The following EDA variants were observed in gnomAD, a reference collection of about 807,000 sequenced individuals.
EDA encodes ectodysplasin A, also known as ectodysplasin-A.
In EDA, 2 loss-of-function variants were observed where a neutral mutation model predicts 23.6. The observed-to-expected ratio is 0.08, with a 90% confidence interval of 0.03 to 0.27. The LOEUF (loss-of-function observed/expected upper bound fraction) is 0.27, where lower values mean the gene tolerates loss of function less well. Among genes scored for constraint, EDA ranks in the 10% least tolerant of loss-of-function variants. The pLI, the probability that EDA is intolerant of heterozygous loss-of-function variation, is 1.00. For missense variants in EDA, 229 were observed against 324.2 expected, an observed-to-expected ratio of 0.71 and a Z score of 2.26; for synonymous variants, 131 against 132.0, an observed-to-expected ratio of 0.99 and a Z score of 0.05.
chrX:69,674,691 C>T (rs748616205), intron 1 of EDA, among the ~76,000 whole-genome samples: 16 of 112,025 alleles, frequency 1.4e-4, no homozygotes, highest in Non-Finnish European at 3.0e-4. Flanking sequence ...TGTCCTGACT[C>T]CTTCCTAAGT....
At chrX:69,634,288 C>A (rs1420356630) in intron 1 of EDA, among the ~76,000 whole-genome samples, 1 of 111,293 alleles carries the variant, frequency 9.0e-6, no homozygotes, top group Non-Finnish European at 1.9e-5. Context: ...CAAATATTTT[C>A]TCCCATTCTA....
intron 1 of EDA, among the ~76,000 whole-genome samples, chrX:69,895,683 T>C (rs2018004035): frequency 8.9e-6 from 1 of 111,932 alleles, no homozygotes; most frequent in African/African-American, 3.2e-5. Context: ...TTAAACCTTC[T>C]TGACATTTGA....
chrX:70,019,599 T>G (rs2020002564), intron 2 of EDA, among the ~76,000 whole-genome samples: 1 of 112,141 alleles, frequency 8.9e-6, no homozygotes, highest in African/African-American at 3.2e-5. Flanking sequence ...TGCAGCAACA[T>G]GGATGGACCT....
intron 1 of EDA, among the ~76,000 whole-genome samples, chrX:69,906,254 G>A (rs1228863410): frequency 9.0e-6 from 1 of 111,580 alleles, no homozygotes; most frequent in African/African-American, 3.3e-5. Context: ...AATTTCTTAC[G>A]ATGTACTGTA....
rs530164329 is a variant in EDA at position 69,768,072 on chromosome X, C to T, written c.396+151368C>T. ...ATCTTATTATTGAGTTGTAAGAGTT[C>T]CTTATATATTCTAGGTGCAAGTCCT... On this transcript the variant is annotated intron_variant, in intron 1 of 7. Coordinates refer to ENST00000374552, the MANE Select transcript of EDA (RefSeq NM_001399.5). 1.8e-4 allele frequency among the ~76,000 whole-genome samples: 20 copies of T among 111,301 alleles called. No homozygotes were observed. In the South Asian group the frequency reaches 2.3e-3, roughly 13 times the overall value.
chrX:69,966,222 G>A (rs2019170319), intron 2 of EDA, among the ~76,000 whole-genome samples: 1 of 111,188 alleles, frequency 9.0e-6, no homozygotes, highest in South Asian at 3.8e-4. Context: ...TAATCTCTCT[G>A]GTAAAGTTAA....
At chrX:70,002,796 C>A (rs1225810248) in intron 2 of EDA, among the ~76,000 whole-genome samples, 1 of 112,135 alleles carries the variant, frequency 8.9e-6, no homozygotes, top group African/African-American at 3.2e-5. Flanking sequence ...CTCAGCTCCC[C>A]TCTTTGTGTT....
At chrX:69,685,550 C>T (rs1354907573) in intron 1 of EDA, among the ~76,000 whole-genome samples, 1 of 111,746 alleles carries the variant, frequency 8.9e-6, no homozygotes, top group Non-Finnish European at 1.9e-5. Flanking sequence ...CATCATGTAA[C>T]ATATTGTGTA....
intron 1 of EDA, among the ~76,000 whole-genome samples, chrX:69,630,085 C>T (rs915155791): frequency 9.0e-6 from 1 of 111,137 alleles, no homozygotes; most frequent in African/African-American, 3.3e-5. Flanking sequence ...TTGTATAGTG[C>T]AAAATATGCC....
At chrX:69,866,886 G>A (rs1388727395) in intron 1 of EDA, among the ~76,000 whole-genome samples, 1 of 112,321 alleles carries the variant, frequency 8.9e-6, no homozygotes, top group Non-Finnish European at 1.9e-5. Context: ...GTGGAATACT[G>A]TGATGGTGGA....
intron 1 of EDA, among the ~76,000 whole-genome samples, chrX:69,884,725 G>A (rs1037359298): frequency 8.0e-5 from 9 of 111,981 alleles, no homozygotes; most frequent in Non-Finnish European, 1.7e-4. Context: ...TCAGTTGATG[G>A]ACATTTGAAT....
At chrX:69,834,453 A>G (rs1420031628) in intron 1 of EDA, among the ~76,000 whole-genome samples, 1 of 109,662 alleles carries the variant, frequency 9.1e-6, no homozygotes, top group African/African-American at 3.3e-5. Context: ...CTTGACCATT[A>G]TGTAATGGCC....
At chrX:69,947,784 A>G (rs1314696383) in intron 1 of EDA, among the ~76,000 whole-genome samples, 2 of 112,314 alleles carry the variant, frequency 1.8e-5, no homozygotes, top group African/African-American at 6.5e-5. Flanking sequence ...TCAAAGTCAT[A>G]CAAAAGCTGG....
chrX:69,758,926 T>G (rs1263435756), intron 1 of EDA, among the ~76,000 whole-genome samples: 1 of 112,335 alleles, frequency 8.9e-6, no homozygotes, highest in Non-Finnish European at 1.9e-5. Flanking sequence ...TGAAACCGAT[T>G]GTCAAGTTGG....
chrX:69,961,194 C>T (rs2019096991), intron 2 of EDA, among the ~76,000 whole-genome samples: 1 of 111,256 alleles, frequency 9.0e-6, no homozygotes, highest in South Asian at 3.8e-4. Context: ...AGGCTGGTCT[C>T]GAACTGCTGA....
chrX:69,742,476 G>A (rs1343622150), intron 1 of EDA, among the ~76,000 whole-genome samples: 2 of 112,074 alleles, frequency 1.8e-5, no homozygotes, highest in African/African-American at 3.2e-5. Flanking sequence ...CCAAAATGTA[G>A]TAGATTTTCT....
intron 2 of EDA, chrX:69,957,476 C>A: frequency 1.3e-5 from 1 of 75,395 alleles, no homozygotes. Flanking sequence ...GAGACTCCAT[C>A]TCAAAAAAAA....
chrX:69,861,954 T>C (rs1602492508), intron 1 of EDA, among the ~76,000 whole-genome samples: 1 of 112,105 alleles, frequency 8.9e-6, no homozygotes, highest in Admixed American at 9.5e-5. Context: ...AAGTATTAGT[T>C]ATCTACGGCT....
intron 1 of EDA, among the ~76,000 whole-genome samples, chrX:69,876,362 A>C (rs919707853): frequency 1.8e-5 from 2 of 110,799 alleles, no homozygotes; most frequent in African/African-American, 3.3e-5. Context: ...AATCTTAGAA[A>C]TCACCATTGA....
Sources: allele counts gnomAD v4.1 joint callset (sites outside exome capture counted in the v4.1 genomes callset), GRCh38; gene constraint gnomAD v4.1.1; transcripts MANE v1.5; gene names NCBI Gene and HGNC (gene_info 2026-07-23, HGNC 2026-07-21).